VIT: variants seen among roughly 807,000 people sequenced by gnomAD.
VIT encodes vitrin.
A neutral mutation model predicts 78.0 loss-of-function variants in VIT; 99 were observed. The observed-to-expected ratio is 1.27, with a 90% confidence interval of 1.08 to 1.50. VIT has a LOEUF of 1.50. Among genes scored for constraint, VIT ranks in the 40% most tolerant of loss-of-function variants. VIT has a pLI of 0.00. For missense variants in VIT, 1,126 were observed against 875.3 expected, an observed-to-expected ratio of 1.29 and a Z score of -3.61; for synonymous variants, 374 against 334.3, an observed-to-expected ratio of 1.12 and a Z score of -1.29.
rs1275178002 is a variant in VIT, at chr2:36,801,884, G to A, written c.1162+480G>A. On this transcript the variant is annotated intron_variant, in intron 13 of 15. Coordinates refer to ENST00000379242, the MANE Select transcript of VIT (RefSeq NM_053276.4). ...ATCTTTAACACACACACACTGTACA[G>A]TCCCAGCATGCTTGGTTTGCAAGAA... Among the ~76,000 whole-genome samples, 3 of 152,104 alleles carry A rather than the reference G, an allele frequency of 2.0e-5. No homozygotes were observed. The East Asian group carries it at 5.8e-4, about 29-fold the overall frequency.
chr2:36,745,286 G>T (rs1668071056), intron 4 of VIT, among the ~76,000 whole-genome samples: 3 of 151,770 alleles, frequency 2.0e-5, no homozygotes. Context: ...AGTTTTTTTG[G>T]CTCTTCAGGC....
At chr2:36,732,342 A>C (rs994259926) in intron 3 of VIT, among the ~76,000 whole-genome samples, 9 of 152,200 alleles carry the variant, frequency 5.9e-5, no homozygotes, top group Non-Finnish European at 1.0e-4. Context: ...CTCCCTAGTG[A>C]TGCAGCGCAT....
At chr2:36,708,093 C>T (rs1469538410) in intron 1 of VIT, among the ~76,000 whole-genome samples, 1 of 151,402 alleles carries the variant, frequency 6.6e-6, no homozygotes, top group East Asian at 1.9e-4. Context: ...GAGGCCACCA[C>T]CACATTGTAA....
intron 12 of VIT, among the ~76,000 whole-genome samples, chr2:36,800,723 A>G (rs10198595): frequency 5.9e-5 from 9 of 151,878 alleles, no homozygotes; most frequent in African/African-American, 2.2e-4. Flanking sequence ...ATTCACTCCA[A>G]CTCCTCCCCA....
intron 4 of VIT, among the ~76,000 whole-genome samples, chr2:36,748,152 G>A (rs1039080053): frequency 9.2e-5 from 14 of 152,060 alleles, no homozygotes; most frequent in African/African-American, 3.1e-4. Context: ...CCTTTAAGAC[G>A]TTTTTCTTTC....
At chr2:36,745,166 G>A (rs142220158) in intron 4 of VIT, among the ~76,000 whole-genome samples, 15 of 151,840 alleles carry the variant, frequency 9.9e-5, no homozygotes, top group African/African-American at 2.4e-4. Flanking sequence ...ATTCTTTTCC[G>A]TCGTCTACAT....
chr2:36,699,258 G>T (rs1664869278), intron 1 of VIT, among the ~76,000 whole-genome samples: 1 of 149,264 alleles, frequency 6.7e-6, no homozygotes, highest in Admixed American at 6.8e-5. Context: ...ACGAAATGAA[G>T]AAGTTACACA....
chr2:36,724,303 T>A (rs964879381), intron 2 of VIT, among the ~76,000 whole-genome samples: 6 of 152,206 alleles, frequency 3.9e-5, no homozygotes, highest in Admixed American at 2.6e-4. Flanking sequence ...GAATTTGGGG[T>A]TCCAGACTTA....
chr2:36,730,979 T>A (rs1362990640), intron 3 of VIT, among the ~76,000 whole-genome samples: 3 of 152,274 alleles, frequency 2.0e-5, no homozygotes, highest in East Asian at 3.9e-4. Flanking sequence ...GGTAGGTATA[T>A]GTAAAATAGG....
intron 15 of VIT, among the ~76,000 whole-genome samples, chr2:36,811,190 G>A (rs1667141468): frequency 6.6e-6 from 1 of 152,168 alleles, no homozygotes; most frequent in South Asian, 2.1e-4. Context: ...CATATCAGCA[G>A]ATTGAAGACG....
At chr2:36,730,499 A>AT (rs1421664579) in intron 3 of VIT, among the ~76,000 whole-genome samples, 4 of 152,068 alleles carry the variant, frequency 2.6e-5, no homozygotes, top group Admixed American at 2.0e-4. Flanking sequence ...TCATGTCCAC[A>AT]TTCCAGTCAG....
chr2:36,732,225 C>A (rs1242172350), intron 3 of VIT, among the ~76,000 whole-genome samples: 1 of 152,214 alleles, frequency 6.6e-6, no homozygotes, highest in Admixed American at 6.5e-5. Flanking sequence ...CAACAGTTTG[C>A]AGTGACTATG....
At chr2:36,775,770 T>C (rs1309657642) in intron 9 of VIT, among the ~76,000 whole-genome samples, 1 of 151,886 alleles carries the variant, frequency 6.6e-6, no homozygotes, top group Non-Finnish European at 1.5e-5. Context: ...TCCCATGAAC[T>C]CTCAGAGTGT....
In VIT at chr2:36,711,362, G is replaced by C. The variant is rs114851526; in HGVS notation, c.-18-4991G>C. Among the ~76,000 whole-genome samples, 238 of 152,266 alleles carry C rather than the reference G, an allele frequency of 1.6e-3. 2 individuals carry two copies. The highest frequency in any genetic ancestry group is 5.6e-3 in the African/African-American group (231 of 41,542). On this transcript the variant is annotated intron_variant, in intron 1 of 15. Coordinates refer to ENST00000379242, the MANE Select transcript of VIT (RefSeq NM_053276.4). ...TGTAAATCTCAAGCATTTTGATACA[G>C]AGATTTAAGAAAAGTCCATTTTGCT...
At chr2:36,752,104 T>C (rs1260312849) in intron 4 of VIT, among the ~76,000 whole-genome samples, 3 of 152,196 alleles carry the variant, frequency 2.0e-5, no homozygotes, top group Non-Finnish European at 2.9e-5. Context: ...TCATATTCTA[T>C]ATCATGATCA....
Position 36,765,435 on chromosome 2 carries a change from A to AGAGAGAGAGAGAGAG in VIT, c.488-1659_488-1658insGAGAGAGAGAGAGAG, listed in dbSNP as rs1553372934. 1.1e-3 allele frequency among the ~76,000 whole-genome samples: 148 copies of AGAGAGAGAGAGAGAG among 135,378 alleles called. 4 individuals carry two copies. Among genetic ancestry groups the AGAGAGAGAGAGAGAG allele is most frequent in the Middle Eastern group, 3.9e-3 (1 of 258 alleles). The allele number at this position is 135,378 out of a possible 152,430, so 88.8% of individuals were successfully genotyped here. ...CAGGCGAGAGAGAGAGAGAGAGAGA[A>AGAGAGAGAGAGAGAG]AGAGAGAGAGAGGAAAAACTGCCTT... On this transcript the variant is annotated intron_variant, in intron 6 of 15. Transcript: ENST00000379242.
At chr2:36,772,843 C>T (rs1669841281) in intron 7 of VIT, among the ~76,000 whole-genome samples, 1 of 152,168 alleles carries the variant, frequency 6.6e-6, no homozygotes, top group Admixed American at 6.5e-5. Flanking sequence ...TTTCCATGCC[C>T]TCTTGCTCTT....
intron 1 of VIT, among the ~76,000 whole-genome samples, chr2:36,701,803 C>T (rs1336842264): frequency 1.3e-5 from 2 of 152,080 alleles, no homozygotes; most frequent in African/African-American, 4.8e-5. Context: ...GTTTATACAC[C>T]ATAGTGAGTA....
chr2:36,750,637 A>C, intron 4 of VIT, among the ~76,000 whole-genome samples: 2 of 151,558 alleles, frequency 1.3e-5, no homozygotes, highest in East Asian at 3.9e-4. Flanking sequence ...CCTGGCCAAC[A>C]TGGTGAAACC....
Sources: gnomAD v4.1 joint callset for allele counts (sites outside exome capture counted in the v4.1 genomes callset) on GRCh38, gnomAD v4.1.1 for gene constraint, MANE v1.5 for transcripts, NCBI Gene and HGNC (gene_info 2026-07-23, HGNC 2026-07-21) for gene names.